CCDC148: variants seen among roughly 807,000 people sequenced by gnomAD.
CCDC148 encodes coiled-coil domain containing 148.
A neutral mutation model predicts 85.7 loss-of-function variants in CCDC148; 89 were observed. The observed-to-expected ratio is 1.04, with a 90% CI of 0.87 to 1.24. CCDC148 has a LOEUF of 1.24. Among genes scored for constraint, CCDC148 ranks in the 50% most tolerant of loss-of-function variants. The pLI, the probability that CCDC148 is intolerant of heterozygous loss-of-function variation, is 0.00. For synonymous variants in CCDC148, 230 were observed against 213.9 expected (o/e 1.08, Z -0.66); for missense variants, 692 against 671.7 (o/e 1.03, Z -0.33).
chr2:158,173,740 T>A (rs186008761), intron 13 of CCDC148, among the ~76,000 whole-genome samples: 23 of 151,822 alleles, frequency 1.5e-4, no homozygotes, highest in Non-Finnish European at 2.2e-4. Context: ...AAGACCCAGG[T>A]TTTTCCTCTT....
intron 1 of CCDC148, among the ~76,000 whole-genome samples, chr2:158,388,739 C>A (rs1685189983): frequency 6.6e-6 from 1 of 152,144 alleles, no homozygotes; most frequent in South Asian, 2.1e-4. Context: ...AGGTGATCGA[C>A]CTGCCTGGGC....
intron 13 of CCDC148, 21 bp from the exon 14 acceptor site, chr2:158,172,280 T>C (rs1444037303): frequency 1.3e-6 from 2 of 1,550,378 alleles, no homozygotes; most frequent in Non-Finnish European, 1.8e-6. Context: ...AAAAATACAA[T>C]TTAAATAACA....
In CCDC148 at chr2:158,437,967, A is replaced by C. The variant is rs562823747; in HGVS notation, c.25+18448T>G. On this transcript the variant is annotated intron_variant, in intron 1 of 13. Transcript: ENST00000283233. ...GAACTACAAACCACTGCTCAATGAAATAAAAGAGGATACAAACAAATGGAA... is the reference window on the plus strand; with the variant it reads ...GAACTACAAACCACTGCTCAATGAACTAAAAGAGGATACAAACAAATGGAA... 5.3e-5 allele frequency among the ~76,000 whole-genome samples: 8 copies of C among 152,346 alleles called. No homozygotes were observed. The South Asian group carries it at 1.7e-3, about 32-fold the overall frequency.
chr2:158,375,293 A>G (rs764920341), intron 1 of CCDC148, among the ~76,000 whole-genome samples: 4 of 152,110 alleles, frequency 2.6e-5, no homozygotes, highest in Non-Finnish European at 4.4e-5. Context: ...TTTTGTATAT[A>G]ATGAAATAAT....
intron 9 of CCDC148, among the ~76,000 whole-genome samples, chr2:158,262,083 T>C (rs756980121): frequency 6.6e-6 from 1 of 152,072 alleles, no homozygotes; most frequent in Non-Finnish European, 1.5e-5. Flanking sequence ...GCAGCACTAT[T>C]CACAATAGCA....
At chr2:158,280,907 C>G (rs553855060) in intron 9 of CCDC148, among the ~76,000 whole-genome samples, 2 of 152,070 alleles carry the variant, frequency 1.3e-5, no homozygotes, top group East Asian at 3.9e-4. Flanking sequence ...TGTAAAAGAA[C>G]AGAAATTATA....
In CCDC148 at chr2:158,334,456, T is replaced by C. The variant is rs188315553; in HGVS notation, c.764+4270A>G. ...CTGGAAACCAGAAGTCTCTATTTTCTAGAGTTAAAACTTCTCTGCGTAACA... is the reference window on the plus strand; with the variant it reads ...CTGGAAACCAGAAGTCTCTATTTTCCAGAGTTAAAACTTCTCTGCGTAACA... On this transcript the variant is annotated intron_variant, in intron 7 of 13. Transcript: ENST00000283233. Among the ~76,000 whole-genome samples the C allele has an allele frequency of 3.4e-3, 514 of 152,336 alleles. 3 individuals carry two copies. Among genetic ancestry groups the C allele is most frequent in the African/African-American group, 0.012 (494 of 41,594 alleles).
At chr2:158,222,275 C>A (rs1036709928) in intron 10 of CCDC148, among the ~76,000 whole-genome samples, 21 of 152,168 alleles carry the variant, frequency 1.4e-4, no homozygotes, top group Non-Finnish European at 2.9e-4. Context: ...ACAAGCAGAG[C>A]AACCCCAGGT....
At chr2:158,449,043 C>G (rs567717631) in intron 1 of CCDC148, among the ~76,000 whole-genome samples, 9 of 152,064 alleles carry the variant, frequency 5.9e-5, no homozygotes, top group Middle Eastern at 3.4e-3. Context: ...GGCCAGGCTG[C>G]TCTTGAACTT....
At chr2:158,330,109 G>C (rs1039212098) in intron 7 of CCDC148, among the ~76,000 whole-genome samples, 8 of 152,112 alleles carry the variant, frequency 5.3e-5, no homozygotes, top group Admixed American at 4.6e-4. Context: ...AATGCTTCCA[G>C]TTTTTGCCCA....
At chr2:158,222,383 C>G (rs1687232429) in intron 10 of CCDC148, among the ~76,000 whole-genome samples, 1 of 152,142 alleles carries the variant, frequency 6.6e-6, no homozygotes, top group Non-Finnish European at 1.5e-5. Context: ...TTTGCAATCT[C>G]AAGACCAGTT....
chr2:158,417,980 A>G (rs1006160355), intron 1 of CCDC148, among the ~76,000 whole-genome samples: 4 of 152,212 alleles, frequency 2.6e-5, no homozygotes, highest in Admixed American at 2.0e-4. Context: ...CATAGTTCAA[A>G]TCTAAAACAA....
intron 7 of CCDC148, among the ~76,000 whole-genome samples, chr2:158,314,160 A>G (rs1692174617): frequency 1.3e-5 from 2 of 152,234 alleles, no homozygotes; most frequent in African/African-American, 4.8e-5. Flanking sequence ...TCAAAAATAA[A>G]TTATTCTTGC....
chr2:158,283,817 A>C lies in CCDC148; in HGVS notation c.1110+25616T>G, dbSNP rs566986696. ...CTATAAATCATGCTGCTATAAAGAC[A>C]CATGCACATGTATGTTTATTGTGGC... On this transcript the variant is annotated intron_variant, in intron 9 of 13. Coordinates refer to ENST00000283233, the MANE Select transcript of CCDC148 (RefSeq NM_138803.4). Among the ~76,000 whole-genome samples, 429 of 152,180 alleles carry C rather than the reference A, an allele frequency of 2.8e-3. 3 individuals carry two copies. The highest frequency in any genetic ancestry group is 9.6e-3 in the African/African-American group (400 of 41,530).
At chr2:158,335,971 T>TGAAGGCA (rs780108778) in intron 7 of CCDC148, among the ~76,000 whole-genome samples, 36 of 152,132 alleles carry the variant, frequency 2.4e-4, no homozygotes, top group Non-Finnish European at 4.9e-4. Flanking sequence ...GGACTAACCA[T>TGAAGGCA]GATGTCCACT....
chr2:158,347,450 GAA>G (rs528962491), intron 2 of CCDC148, among the ~76,000 whole-genome samples: 1 of 144,052 alleles, frequency 6.9e-6, no homozygotes, highest in African/African-American at 2.5e-5. Context: ...GGCCAAAAAT[GAA>G]AAAAAAAAGT....
At chr2:158,450,958 A>G (rs1287581805) in intron 1 of CCDC148, among the ~76,000 whole-genome samples, 4 of 152,036 alleles carry the variant, frequency 2.6e-5, no homozygotes, top group Non-Finnish European at 5.9e-5. Context: ...ATTCTGTCCC[A>G]CAAGTCCCAG....
At chr2:158,189,625 G>A (rs1331887670) in intron 11 of CCDC148, among the ~76,000 whole-genome samples, 1 of 151,946 alleles carries the variant, frequency 6.6e-6, no homozygotes, top group African/African-American at 2.4e-5. Context: ...GGAGGACTTA[G>A]TGTGCTTATT....
chr2:158,385,550 T>C (rs550441114), intron 1 of CCDC148, among the ~76,000 whole-genome samples: 13 of 152,104 alleles, frequency 8.5e-5, no homozygotes, highest in African/African-American at 2.4e-4. Flanking sequence ...ATTAAGGAAA[T>C]AGACATTGGT....
Sources: allele counts gnomAD v4.1 joint callset (sites outside exome capture counted in the v4.1 genomes callset), GRCh38; gene constraint gnomAD v4.1.1; transcripts MANE v1.5; gene names NCBI Gene and HGNC (gene_info 2026-07-23, HGNC 2026-07-21).